Variants in FEM1B observed in about 807,000 individuals in gnomAD.
FEM1B encodes the protein protein fem-1 homolog B.
Under a neutral mutation model 38.6 loss-of-function variants are expected in FEM1B, and 10 were observed. That is an observed-to-expected ratio of 0.26 (90% confidence interval 0.16 to 0.44). The LOEUF is 0.44. Ranked by LOEUF, FEM1B falls within the 20% of genes least tolerant of loss-of-function variation. The pLI is 1.00. For synonymous variants in FEM1B, 288 were observed against 288.0 expected, an observed-to-expected ratio of 1.00 and a Z score of 0.00; for missense variants, 471 against 786.7, an observed-to-expected ratio of 0.60 and a Z score of 4.80.
rs914705438 is a variant in FEM1B at position 68,290,744 on chromosome 15, A to C, written c.1386A>C (p.Glu462Asp). 2.5e-6 allele frequency: 4 copies of C among 1,613,828 alleles called. No homozygotes were observed. The African/African-American group carries it at 4.0e-5, about 16-fold the overall frequency. Reference protein sequence around the residue: ...CISTKTQCSEEDQCKINKQIY... With the variant: ...CISTKTQCSEDDQCKINKQIY... ...CTACCAAAACACAGTGCAGCGAAGA[A>C]GATCAGTGCAAAATTAACAAGCAGA... The change falls in exon 2 of 2, where the codon GAA (glutamate) becomes GAC (aspartate). Residue 462 changes from glutamate to aspartate, a missense_variant. Glu to Asp is a conservative substitution (Grantham distance 45). Around this residue, in one of 3 missense-constraint regions of FEM1B, gnomAD observed 380 missense variants for 599.6 expected, o/e 0.63. Coordinates refer to ENST00000306917, the MANE Select transcript of FEM1B (RefSeq NM_015322.5). This position sits in a 1 kb window ranked among gnomAD's most constrained non-coding sequence, Gnocchi z 9.7.
chr15:68,278,705 G>T lies in FEM1B; in HGVS notation c.248+40G>T, dbSNP rs762338209. 36 of 1,609,448 alleles carry T rather than the reference G, an allele frequency of 2.2e-5. No homozygotes were observed. In the South Asian group the frequency reaches 3.8e-4, roughly 17 times the overall value. ...AGCCAGCCTCTCTCCGACGCGCGCG[G>T]ACTCGTTAATTCACGGGCCCTCCCC... On this transcript the variant is annotated intron_variant, in intron 1 of 1. Coordinates refer to ENST00000306917, the MANE Select transcript of FEM1B (RefSeq NM_015322.5). This position sits in a 1 kb window ranked among gnomAD's most constrained non-coding sequence, Gnocchi z 5.7.
chr15:68,281,832 T>G lies in FEM1B; in HGVS notation c.248+3167T>G, dbSNP rs1214754780. ...GGTTTCACCGTGTTAGCCAGGATGG[T>G]CTCGATCTCCTGACCTCGTGATCCG... is the stretch of plus-strand genomic sequence containing the variant. On this transcript the variant is annotated intron_variant, in intron 1 of 1. Coordinates refer to ENST00000306917, the MANE Select transcript of FEM1B (RefSeq NM_015322.5). This position sits in a 1 kb window ranked among gnomAD's most constrained non-coding sequence, Gnocchi z 5.1. 1.3e-5 allele frequency among the ~76,000 whole-genome samples: 2 copies of G among 152,156 alleles called. No homozygotes were observed. The highest frequency in any genetic ancestry group is 2.9e-5 in the Non-Finnish European group (2 of 68,024).
chr15:68,288,220 C>T lies in FEM1B; in HGVS notation c.249-1387C>T, dbSNP rs796165746. ...CTCTTCAAGACATCACCTCTTAATG[C>T]TATTCACGTTTGGCAACACCTGAAT... On this transcript the variant is annotated intron_variant, in intron 1 of 1. Transcript: ENST00000306917. The surrounding 1 kb of genome is among the most constrained non-coding windows in gnomAD (Gnocchi z 4.6). 5.3e-5 allele frequency among the ~76,000 whole-genome samples: 8 copies of T among 152,304 alleles called. No individual in the cohort carries two copies. The highest frequency in any genetic ancestry group is 1.9e-4 in the African/African-American group (8 of 41,570).
intron 1 of FEM1B, among the ~76,000 whole-genome samples, chr15:68,285,708 A>C (rs1164288426): frequency 7.1e-6 from 1 of 140,690 alleles, no homozygotes; most frequent in Non-Finnish European, 1.5e-5. Flanking sequence ...TTTTTTTCTT[A>C]AATTGAGTAG....
At chr15:68,286,797 TAACA>T (rs1892793564) in intron 1 of FEM1B, among the ~76,000 whole-genome samples, 1 of 79,718 alleles carries the variant, frequency 1.3e-5, no homozygotes, top group Non-Finnish European at 3.3e-5. Flanking sequence ...AATAAAAACA[TAACA>T]AAAAAATAAC....
rs1164447919 is a variant in FEM1B, at chr15:68,278,121, G to A, written c.-297G>A. The stretch of plus-strand genomic sequence containing the variant: ...AGGGGTCCGGCCTGAGGCCCGGGGC[G>A]GCGTCCGCCATGGAGATCCCCTCGG... On this transcript the variant is annotated 5_prime_UTR_variant, in exon 1 of 2. Transcript: ENST00000306917. The surrounding 1 kb of genome is among the most constrained non-coding windows in gnomAD (Gnocchi z 5.7). 3 of 313,736 alleles carry A rather than the reference G, an allele frequency of 9.6e-6. No individual in the cohort carries two copies. Among genetic ancestry groups the A allele is most frequent in the African/African-American group, 4.4e-5 (2 of 45,044 alleles). 19.4% of individuals were successfully genotyped at this position (313,736 alleles called of 1,614,324 possible).
chr15:68,279,940 C>T (rs1008201493), intron 1 of FEM1B: 2 of 152,126 alleles, frequency 1.3e-5, no homozygotes. Flanking sequence ...GCTTTCGTGT[C>T]TTCTCTGTAA....
Position 68,278,489 on chromosome 15 carries a change from T to C in FEM1B, c.72T>C (p.Leu24=). 6.2e-7 allele frequency: 1 copy of C among 1,613,882 alleles called. No individual in the cohort carries two copies. Among genetic ancestry groups the C allele is most frequent in the Non-Finnish European group, 8.5e-7 (1 of 1,180,006 alleles). The change falls in exon 1 of 2, where the codon CTT becomes CTC. Residue 24 remains leucine (L), a synonymous_variant. Coordinates refer to ENST00000306917, the MANE Select transcript of FEM1B (RefSeq NM_015322.5). The surrounding 1 kb of genome is among the most constrained non-coding windows in gnomAD (Gnocchi z 5.7). The part of the protein sequence containing the change: ...EGKVLTLAAL[L]LNRSESDIRY... ...AGGTGCTGACTCTGGCCGCCTTGCT[T>C]CTCAACCGGTCTGAAAGCGACATCC...
At chr15:68,287,516 G>T (rs1303846482) in intron 1 of FEM1B, among the ~76,000 whole-genome samples, 1 of 152,098 alleles carries the variant, frequency 6.6e-6, no homozygotes, top group East Asian at 1.9e-4. Flanking sequence ...AGAAGTAATT[G>T]CTTAAATTAT....
chr15:68,290,105 G>A lies in FEM1B; in HGVS notation c.747G>A (p.Arg249=), dbSNP rs769317241. 2 of 1,614,152 alleles carry A rather than the reference G, an allele frequency of 1.2e-6. No individual in the cohort carries two copies. Among genetic ancestry groups the A allele is most frequent in the South Asian group, 1.1e-5 (1 of 91,082 alleles). ...LSHADCDRRS[R]IEALELLGAS... ...ATGCTGATTGCGACCGAAGAAGTCGGATTGAAGCTTTGGAACTCTTGGGTG... is the reference window on the plus strand; with the variant it reads ...ATGCTGATTGCGACCGAAGAAGTCGAATTGAAGCTTTGGAACTCTTGGGTG... Residue 249 remains arginine, a synonymous_variant, in exon 2 of 2, where the codon CGG becomes CGA. Coordinates refer to ENST00000306917, the MANE Select transcript of FEM1B (RefSeq NM_015322.5). This position sits in a 1 kb window ranked among gnomAD's most constrained non-coding sequence, Gnocchi z 9.7.
rs1892850845 is a variant in FEM1B, at chr15:68,291,839, A to AAAT, written c.*598_*600dup. The AAAT allele has an allele frequency of 6.6e-6, 1 of 152,384 alleles. No individual in the cohort carries two copies. Among genetic ancestry groups the AAAT allele is most frequent in the South Asian group, 2.1e-4 (1 of 4,830 alleles). The allele number at this position is 152,384 out of a possible 1,614,324, so 9.4% of individuals were successfully genotyped here. A position where few individuals can be genotyped will look rare whatever the true frequency, so the allele number is the denominator to read the frequency against. On this transcript the variant is annotated 3_prime_UTR_variant, in exon 2 of 2. Coordinates refer to ENST00000306917, the MANE Select transcript of FEM1B (RefSeq NM_015322.5). This position sits in a 1 kb window ranked among gnomAD's most constrained non-coding sequence, Gnocchi z 6.9. Reference sequence around the variant, plus strand: ...AATGTGCTAATTTAATAATAGTTACAAATTTATAAATTTAAATCCATTTGA... The same window carrying AAAT: ...AATGTGCTAATTTAATAATAGTTACAAATAATTTATAAATTTAAATCCATTTGA...
Position 68,291,452 on chromosome 15 carries a change from C to A in FEM1B, c.*210C>A. ...ACAAAACCACATTGTTTTGGTGTAA[C>A]TATAAGGTATTTGCATATTGGTTAC... On this transcript the variant is annotated 3_prime_UTR_variant, in exon 2 of 2. Coordinates refer to ENST00000306917, the MANE Select transcript of FEM1B (RefSeq NM_015322.5). This position sits in a 1 kb window ranked among gnomAD's most constrained non-coding sequence, Gnocchi z 6.9. 2.0e-6 allele frequency: 1 copy of A among 497,610 alleles called. No homozygotes were observed. The highest frequency in any genetic ancestry group is 3.9e-5 in the South Asian group (1 of 25,506). The allele number at this position is 497,610 out of a possible 1,614,324, so 30.8% of individuals were successfully genotyped here.
At position 68,291,402 on chromosome 15, in the gene FEM1B, G is replaced by A. The variant is rs1402724235; in HGVS notation, c.*160G>A. 1.0e-5 allele frequency: 6 copies of A among 576,512 alleles called. No individual in the cohort carries two copies. Among genetic ancestry groups the A allele is most frequent in the African/African-American group, 1.9e-5 (1 of 52,872 alleles). 35.7% of individuals were successfully genotyped at this position (576,512 alleles called of 1,614,324 possible). A position where few individuals can be genotyped will look rare whatever the true frequency, so the allele number is the denominator to read the frequency against. ...TCTGTATTTGTTTTTCTTGCCTCAT[G>A]GTAATTGATTTCAGACAGACTTTAA... On this transcript the variant is annotated 3_prime_UTR_variant, in exon 2 of 2. Transcript: ENST00000306917. This position sits in a 1 kb window ranked among gnomAD's most constrained non-coding sequence, Gnocchi z 6.9.
chr15:68,293,927 T>A lies in FEM1B; in HGVS notation c.*2685T>A, dbSNP rs1892875526. ...ATTTGATGTTTACTATTGGTATACTTATGCTTTGAATTGTAAATCTTCATT... is the reference window on the plus strand; with the variant it reads ...ATTTGATGTTTACTATTGGTATACTAATGCTTTGAATTGTAAATCTTCATT... On this transcript the variant is annotated 3_prime_UTR_variant, in exon 2 of 2. Transcript: ENST00000306917. This position sits in a 1 kb window ranked among gnomAD's most constrained non-coding sequence, Gnocchi z 5.8. 1 of 152,178 alleles carries A rather than the reference T, an allele frequency of 6.6e-6. No individual in the cohort carries two copies. Among genetic ancestry groups the A allele is most frequent in the Non-Finnish European group, 1.5e-5 (1 of 68,012 alleles). The allele number at this position is 152,178 out of a possible 1,614,324, so 9.4% of individuals were successfully genotyped here.
At chr15:68,283,752 T>A (rs1347634699) in intron 1 of FEM1B, among the ~76,000 whole-genome samples, 1 of 152,156 alleles carries the variant, frequency 6.6e-6, no homozygotes, top group African/African-American at 2.4e-5. Flanking sequence ...TGTATTTTTT[T>A]ATTATATTAA....
Position 68,292,798 on chromosome 15 carries a change from A to T in FEM1B, c.*1556A>T, listed in dbSNP as rs1892861410. The T allele has an allele frequency of 6.6e-6, 1 of 152,160 alleles. No individual in the cohort carries two copies. The highest frequency in any genetic ancestry group is 1.5e-5 in the Non-Finnish European group (1 of 68,004). 9.4% of individuals were successfully genotyped at this position (152,160 alleles called of 1,614,324 possible). A position where few individuals can be genotyped will look rare whatever the true frequency, so the allele number is the denominator to read the frequency against. ...TCAGTATAAAACAATGACCAAGCCA[A>T]AATCAGCACCCTAGGGCCTTAAATA... On this transcript the variant is annotated 3_prime_UTR_variant, in exon 2 of 2. Coordinates refer to ENST00000306917, the MANE Select transcript of FEM1B (RefSeq NM_015322.5).
At position 68,289,430 on chromosome 15, in the gene FEM1B, GGTACAA is replaced by G. The variant is rs1430661471; in HGVS notation, c.249-172_249-167del. 3 of 596,236 alleles carry G rather than the reference GGTACAA, an allele frequency of 5.0e-6. No individual in the cohort carries two copies. The highest frequency in any genetic ancestry group is 2.8e-5 in the East Asian group (1 of 36,200). The allele number at this position is 596,236 out of a possible 1,614,324, so 36.9% of individuals were successfully genotyped here. On this transcript the variant is annotated intron_variant, in intron 1 of 1. Coordinates refer to ENST00000306917, the MANE Select transcript of FEM1B (RefSeq NM_015322.5). The surrounding 1 kb of genome is among the most constrained non-coding windows in gnomAD (Gnocchi z 6.9). ...CTAGCATATATTGAGCTTTATATTA[GGTACAA>G]GTACTATGCAAAGTGCTTTCCTTAA...
In FEM1B at chr15:68,294,765, A is replaced by G. The variant is rs951470906; in HGVS notation, c.*3523A>G. Reference sequence around the variant, plus strand: ...TCTTAAATGTTCCTTTTCAAATTAGATGTGTTGATGCACACATGACTATTC... The same window carrying G: ...TCTTAAATGTTCCTTTTCAAATTAGGTGTGTTGATGCACACATGACTATTC... On this transcript the variant is annotated 3_prime_UTR_variant, in exon 2 of 2. Coordinates refer to ENST00000306917, the MANE Select transcript of FEM1B (RefSeq NM_015322.5). This position sits in a 1 kb window ranked among gnomAD's most constrained non-coding sequence, Gnocchi z 4.4. 6 of 152,134 alleles carry G rather than the reference A, an allele frequency of 3.9e-5. No homozygotes were observed. The highest frequency in any genetic ancestry group is 8.8e-5 in the Non-Finnish European group (6 of 68,016). The allele number at this position is 152,134 out of a possible 1,614,324, so 9.4% of individuals were successfully genotyped here. A position where few individuals can be genotyped will look rare whatever the true frequency, so the allele number is the denominator to read the frequency against.
At position 68,289,560 on chromosome 15, in the gene FEM1B, T is replaced by C. The variant is rs143456679; in HGVS notation, c.249-47T>C. 9,442 of 1,419,668 alleles carry C rather than the reference T, an allele frequency of 6.7e-3. 54 individuals are homozygous for C. Among genetic ancestry groups the C allele is most frequent in the Non-Finnish European group, 8.5e-3 (8,570 of 1,011,802 alleles). 87.9% of individuals were successfully genotyped at this position (1,419,668 alleles called of 1,614,324 possible). ...GTGAATACATCCCTTAAACATATGT[T>C]AGGCTGTGGCCTCTGTTATCTAACT... On this transcript the variant is annotated intron_variant, in intron 1 of 1. Transcript: ENST00000306917. The surrounding 1 kb of genome is among the most constrained non-coding windows in gnomAD (Gnocchi z 6.9).
Sources: gnomAD v4.1 joint callset for allele counts (sites outside exome capture counted in the v4.1 genomes callset) on GRCh38, gnomAD v4.1.1 for gene constraint, gnomAD v4.1.1 regional missense constraint, Gnocchi (gnomAD v3.1) non-coding constraint, MANE v1.5 for transcripts, NCBI Gene and HGNC (gene_info 2026-07-23, HGNC 2026-07-21) for gene names.